ZNF138: variants seen among roughly 807,000 people sequenced by gnomAD.
ZNF138 encodes the protein zinc finger protein 138.
In ZNF138, 33 loss-of-function variants were observed where a neutral mutation model predicts 33.0. The ratio of observed to expected loss-of-function variants is 1.00; its 90% CI spans 0.76 to 1.34. The LOEUF (loss-of-function observed/expected upper bound fraction) is 1.34, where lower values mean the gene tolerates loss of function less well. ZNF138 is among the 40% of genes most tolerant of loss of function. ZNF138 has a pLI of 0.00. For synonymous variants in ZNF138, 139 were observed against 120.4 expected (o/e 1.15, Z -1.01); for missense variants, 360 against 370.8 (o/e 0.97, Z 0.24).
rs533316819 is a variant in ZNF138, at chr7:64,821,783, G to C, written c.208+6130G>C. On this transcript the variant is annotated intron_variant, in intron 3 of 3. Transcript: ENST00000307355. ...GCTGGTCTCCAACTACTGACCTCGT[G>C]ATCCTCCTGCCTTGGCCTCCCAAAG... Among the ~76,000 whole-genome samples, 128 of 151,568 alleles carry C rather than the reference G, an allele frequency of 8.4e-4. 5 individuals are homozygous for C. Among genetic ancestry groups the C allele is most frequent in the African/African-American group, 2.9e-3 (120 of 40,914 alleles).
Position 64,832,033 on chromosome 7 carries a change from C to T in ZNF138, c.791C>T (p.Ser264Leu), listed in dbSNP as rs774313550. Residue 264 changes from serine (S) to leucine (L), a missense_variant, in exon 4 of 4, where the codon TCA becomes TTA. Transcript: ENST00000307355. ...AHCGKAFKQS[S>L]HLTRHKIIHT... ...TGTGGCAAAGCCTTTAAACAGTCCT[C>T]ACACCTTACTAGACATAAGATAATT... The T allele has an allele frequency of 6.2e-7, 1 of 1,613,902 alleles. No individual in the cohort carries two copies. The highest frequency in any genetic ancestry group is 1.7e-5 in the Admixed American group (1 of 60,012).
In ZNF138 at chr7:64,824,910, T is replaced by A. The variant is rs13226426; in HGVS notation, c.209-6541T>A. The stretch of plus-strand genomic sequence containing the variant: ...TACAGTCTTGCTCTGTCACCCAGGC[T>A]GGCTCAATGCAACCTCTGTCTCCTG... On this transcript the variant is annotated intron_variant, in intron 3 of 3. Coordinates refer to ENST00000307355, the MANE Select transcript of ZNF138 (RefSeq NM_001271639.2). Among the ~76,000 whole-genome samples the A allele has an allele frequency of 2.6e-5, 4 of 151,200 alleles. 1 individual carries two copies. Among genetic ancestry groups the A allele is most frequent in the Admixed American group, 2.0e-4 (3 of 15,180 alleles).
At chr7:64,795,523 C>T (rs1049705325) in intron 1 of ZNF138, among the ~76,000 whole-genome samples, 1 of 152,088 alleles carries the variant, frequency 6.6e-6, no homozygotes, top group Non-Finnish European at 1.5e-5. Flanking sequence ...ACTATTTGTC[C>T]TTTAGTGTAC....
At chr7:64,850,075 C>T in the ZNF138 span, among the ~76,000 whole-genome samples, 4 of 152,208 alleles carry the variant, frequency 2.6e-5, no homozygotes, top group African/African-American at 7.2e-5. Context: ...GCCCCTTTGA[C>T]GCAAGTCTAA....
At chr7:64,813,071 C>G (rs926012423) in intron 1 of ZNF138, among the ~76,000 whole-genome samples, 13 of 152,098 alleles carry the variant, frequency 8.5e-5, no homozygotes, top group African/African-American at 2.9e-4. Context: ...TCCCTACATT[C>G]TCTACATCAT....
chr7:64,859,818 A>T, the ZNF138 span, among the ~76,000 whole-genome samples: 2 of 152,100 alleles, frequency 1.3e-5, no homozygotes, highest in African/African-American at 4.8e-5. Context: ...TTCTCTCTTT[A>T]AAAAACTCTG....
the ZNF138 span, among the ~76,000 whole-genome samples, chr7:64,854,277 A>G: frequency 6.6e-6 from 1 of 152,134 alleles, no homozygotes; most frequent in African/African-American, 2.4e-5. Context: ...GTCTCACTTC[A>G]TTGCTCTGGC....
At chr7:64,817,712 G>T (rs920388774) in intron 3 of ZNF138, among the ~76,000 whole-genome samples, 1 of 151,892 alleles carries the variant, frequency 6.6e-6, no homozygotes, top group Non-Finnish European at 1.5e-5. Flanking sequence ...AAAAAATAGG[G>T]CATCTTTTAT....
chr7:64,849,649 G>A, the ZNF138 span, among the ~76,000 whole-genome samples: 1 of 151,998 alleles, frequency 6.6e-6, no homozygotes, highest in Admixed American at 6.6e-5. Context: ...GTGGTTCTCC[G>A]GTCAATAGAG....
At chr7:64,838,141 G>C (rs539049101), downstream of ZNF138, among the ~76,000 whole-genome samples, 1 of 137,188 alleles carries the variant, frequency 7.3e-6, no homozygotes, top group African/African-American at 2.4e-5. Flanking sequence ...AGGGTGAGAG[G>C]GGTTCCCAAG....
intron 1 of ZNF138, among the ~76,000 whole-genome samples, chr7:64,811,832 CAGG>C (rs1788203080): frequency 6.6e-6 from 1 of 152,172 alleles, no homozygotes. Flanking sequence ...TCAGCTTTGA[CAGG>C]AGACTTGTTT....
In ZNF138 at chr7:64,805,298, C is replaced by CTGAGCCAGGAGAATTGCT. The variant is rs532548212; in HGVS notation, c.4-9616_4-9599dup. Reference sequence around the variant, plus strand: ...CCTGTAATCTCAGCTACTCAGGAGGCTGAGCCAGGAGAATTGCTTGAACCC... The same window carrying CTGAGCCAGGAGAATTGCT: ...CCTGTAATCTCAGCTACTCAGGAGGCTGAGCCAGGAGAATTGCTTGAGCCAGGAGAATTGCTTGAACCC... On this transcript the variant is annotated intron_variant, in intron 1 of 3. Transcript: ENST00000307355. 1.4e-3 allele frequency among the ~76,000 whole-genome samples: 215 copies of CTGAGCCAGGAGAATTGCT among 152,154 alleles called. 1 individual carries two copies. The highest frequency in any genetic ancestry group is 5.1e-3 in the African/African-American group (212 of 41,498).
chr7:64,837,601 G>A (rs538020704), downstream of ZNF138, among the ~76,000 whole-genome samples: 6 of 152,284 alleles, frequency 3.9e-5, no homozygotes, highest in African/African-American at 1.4e-4. Flanking sequence ...CAAGATTGGC[G>A]CGTCTCGAGA....
chr7:64,847,690 T>C, the ZNF138 span, among the ~76,000 whole-genome samples: 1 of 152,214 alleles, frequency 6.6e-6, no homozygotes, highest in Admixed American at 6.5e-5. Flanking sequence ...GCTTTTGGTG[T>C]CTATTTGCAT....
chr7:64,847,315 CATAT>C, the ZNF138 span, among the ~76,000 whole-genome samples: 1 of 104,236 alleles, frequency 9.6e-6, no homozygotes, highest in African/African-American at 4.2e-5. Context: ...TCTTCTAATA[CATAT>C]ATATATATAT....
At chr7:64,806,389 T>C (rs1787598878) in intron 1 of ZNF138, among the ~76,000 whole-genome samples, 1 of 152,174 alleles carries the variant, frequency 6.6e-6, no homozygotes, top group Non-Finnish European at 1.5e-5. Flanking sequence ...TCAGAGACCA[T>C]GGGGCCCAGA....
the ZNF138 span, among the ~76,000 whole-genome samples, chr7:64,855,337 T>C: frequency 2.0e-5 from 3 of 152,232 alleles, no homozygotes; most frequent in Non-Finnish European, 4.4e-5. Flanking sequence ...ATTGAATTCA[T>C]GGAAAATTTC....
At chr7:64,841,274 G>A in the ZNF138 span, among the ~76,000 whole-genome samples, 1 of 151,998 alleles carries the variant, frequency 6.6e-6, no homozygotes, top group Admixed American at 6.6e-5. Flanking sequence ...TCTTTTAATT[G>A]GAGAATTCTA....
intron 1 of ZNF138, among the ~76,000 whole-genome samples, chr7:64,811,657 T>C (rs1304838020): frequency 2.0e-5 from 3 of 152,240 alleles, no homozygotes; most frequent in African/African-American, 7.2e-5. Context: ...ATAGCTGCCT[T>C]CTGTTTGTTC....
Sources: gnomAD v4.1 joint callset for allele counts (sites outside exome capture counted in the v4.1 genomes callset) on GRCh38, gnomAD v4.1.1 for gene constraint, MANE v1.5 for transcripts, NCBI Gene and HGNC (gene_info 2026-07-23, HGNC 2026-07-21) for gene names.